Variants in CCDC40 observed in about 807,000 individuals in gnomAD.
CCDC40 encodes coiled-coil domain-containing protein 40.
In CCDC40, 104 loss-of-function variants were observed where a neutral mutation model predicts 124.5. The ratio of observed to expected loss-of-function variants is 0.84; its 90% confidence interval spans 0.71 to 0.98. The LOEUF (loss-of-function observed/expected upper bound fraction) is 0.98. Among genes scored for constraint, CCDC40 ranks in the 50% least tolerant of loss-of-function variants. The pLI, the probability that CCDC40 is intolerant of heterozygous loss-of-function variation, is 0.00. For synonymous variants in CCDC40, 580 were observed against 602.9 expected (o/e 0.96, Z 0.56); for missense variants, 1,463 against 1,503.9 (o/e 0.97, Z 0.45).
intron 10 of CCDC40, among the ~76,000 whole-genome samples, chr17:80,079,159 C>T (rs1017666024): frequency 6.6e-6 from 1 of 151,970 alleles, no homozygotes; most frequent in Non-Finnish European, 1.5e-5. Context: ...CTTCCTTTCT[C>T]TATTGATAGT....
intron 10 of CCDC40, among the ~76,000 whole-genome samples, chr17:80,071,529 T>G (rs2038187616): frequency 6.6e-6 from 1 of 152,176 alleles, no homozygotes; most frequent in Non-Finnish European, 1.5e-5. Context: ...ATTCCATCCG[T>G]TCTTTTTGTT....
intron 3 of CCDC40, among the ~76,000 whole-genome samples, chr17:80,044,356 A>G (rs1212165124): frequency 6.6e-6 from 1 of 152,192 alleles, no homozygotes; most frequent in African/African-American, 2.4e-5. Flanking sequence ...TGACAAATAT[A>G]AAACCAAAAC....
chr17:80,063,445 C>A (rs932417489), intron 9 of CCDC40, among the ~76,000 whole-genome samples: 1 of 152,190 alleles, frequency 6.6e-6, no homozygotes, highest in East Asian at 1.9e-4. Context: ...CCTTGACCTG[C>A]ACCTCAGTCA....
At chr17:80,057,778 A>G (rs1301819278) in intron 7 of CCDC40, among the ~76,000 whole-genome samples, 1 of 151,894 alleles carries the variant, frequency 6.6e-6, no homozygotes. Flanking sequence ...CGGGAGGCTG[A>G]GGCAGGAGAA....
rs1392410253 is a variant in CCDC40 at position 80,100,189 on chromosome 17, C to T, written c.*414C>T. 3 of 278,716 alleles carry T rather than the reference C, an allele frequency of 1.1e-5. No homozygotes were observed. The highest frequency in any genetic ancestry group is 3.4e-5 in the South Asian group (1 of 29,564). The allele number at this position is 278,716 out of a possible 1,614,324, so 17.3% of individuals were successfully genotyped here. On this transcript the variant is annotated 3_prime_UTR_variant, in exon 20 of 20. Transcript: ENST00000397545. ...TAAGGCAGCTCCAGCCAGCCTGGCC[C>T]GGGAGGCTGGTCCCCCCAGCACTTC...
chr17:80,094,756 C>T (rs1183868946), intron 17 of CCDC40, among the ~76,000 whole-genome samples: 2 of 152,162 alleles, frequency 1.3e-5, no homozygotes, highest in Non-Finnish European at 2.9e-5. Context: ...TACGTAGCCA[C>T]TGACGCCATC....
At chr17:80,069,786 G>T (rs1305560225) in intron 10 of CCDC40, among the ~76,000 whole-genome samples, 1 of 151,684 alleles carries the variant, frequency 6.6e-6, no homozygotes, top group Non-Finnish European at 1.5e-5. Flanking sequence ...AAAAGAGAGA[G>T]AGAGAGACAG....
chr17:80,036,677 C>T lies in CCDC40; in HGVS notation c.15C>T (p.Gly5=). The T allele has an allele frequency of 2.1e-6, 3 of 1,460,292 alleles. No individual in the cohort carries two copies. Among genetic ancestry groups the T allele is most frequent in the Non-Finnish European group, 1.8e-6 (2 of 1,108,074 alleles). 90.5% of individuals were successfully genotyped at this position (1,460,292 alleles called of 1,614,324 possible). ...AGCAACGGGAAATGGCGGAACCGGG[C>T]GGCGCGGCGGGCCGGTAAGCCGGGC... MAEP[G]GAAGRSHPED... is the part of the protein sequence containing the mutation. The change falls in exon 1 of 20, where the codon GGC becomes GGT. Residue 5 remains glycine, a synonymous_variant. Coordinates refer to ENST00000397545, the MANE Select transcript of CCDC40 (RefSeq NM_017950.4).
In CCDC40 at chr17:80,084,878, A is replaced by G; in HGVS notation, c.2125A>G (p.Ile709Val). Residue 709 changes from isoleucine (I) to valine (V), a missense_variant, in exon 13 of 20, where the codon ATC becomes GTC. Ile to Val is a conservative substitution (Grantham distance 29, BLOSUM62 3). Transcript: ENST00000397545. ...GGACGTGAAGAAAGTCAACGAGCTCATCACCAACAGCCAGAGCGAGATCTC... is the reference window on the plus strand; with the variant it reads ...GGACGTGAAGAAAGTCAACGAGCTCGTCACCAACAGCCAGAGCGAGATCTC... ...DQDVKKVNEL[I>V]TNSQSEISRR... 1 of 1,613,982 alleles carries G rather than the reference A, an allele frequency of 6.2e-7. No homozygotes were observed. Among genetic ancestry groups the G allele is most frequent in the South Asian group, 1.1e-5 (1 of 91,086 alleles).
chr17:80,062,978 G>C (rs2037943494), intron 9 of CCDC40, among the ~76,000 whole-genome samples: 1 of 152,126 alleles, frequency 6.6e-6, no homozygotes, highest in Non-Finnish European at 1.5e-5. Flanking sequence ...CAGATCACCT[G>C]AGGGTCAGGA....
chr17:80,078,188 G>A (rs529888568), intron 10 of CCDC40, among the ~76,000 whole-genome samples: 12 of 152,028 alleles, frequency 7.9e-5, no homozygotes, highest in East Asian at 7.7e-4. Flanking sequence ...AAAATTAGCC[G>A]GGCGTGGTGG....
At chr17:80,089,559 C>A (rs762358192) in intron 16 of CCDC40, 3 of 467,354 alleles carry the variant, frequency 6.4e-6, no homozygotes, top group South Asian at 2.0e-5. Flanking sequence ...CTCCCTCCCT[C>A]CCCCTGTATG....
intron 19 of CCDC40, chr17:80,097,920 GAAAAGAAAAGAAAA>G (rs2038840464): frequency 2.2e-5 from 1 of 44,558 alleles, no homozygotes; most frequent in East Asian, 4.8e-4. Context: ...GAAAAGAAAA[GAAAAGAAAAGAAAA>G]GAAAAGAAAA....
At chr17:80,053,456 T>C (rs1167882801) in intron 7 of CCDC40, among the ~76,000 whole-genome samples, 1 of 152,240 alleles carries the variant, frequency 6.6e-6, no homozygotes, top group Non-Finnish European at 1.5e-5. Flanking sequence ...GCATTGTTTG[T>C]TTCTGGCTTT....
At position 80,084,981 on chromosome 17, in the gene CCDC40, A is replaced by G; in HGVS notation, c.2228A>G (p.Glu743Gly). The change falls in exon 13 of 20, where the codon GAG becomes GGG. Residue 743 changes from glutamate (E) to glycine (G), a missense_variant. Coordinates refer to ENST00000397545, the MANE Select transcript of CCDC40 (RefSeq NM_017950.4). ...AAGCAGCTGGAGCGGATGGTCTCCG[A>G]GCTGGGGGTGAGGTCCCAGGCAGGG... ...LNKQLERMVS[E>G]LGGEEVGPLE... is the part of the protein sequence containing the mutation. The G allele has an allele frequency of 1.2e-6, 2 of 1,613,634 alleles. No homozygotes were observed. Among genetic ancestry groups the G allele is most frequent in the Non-Finnish European group, 1.7e-6 (2 of 1,180,008 alleles).
chr17:80,056,012 A>ATTTTTTTTTTTTTT (rs1278622929), intron 7 of CCDC40, among the ~76,000 whole-genome samples: 7 of 14,136 alleles, frequency 5.0e-4, no homozygotes, highest in Non-Finnish European at 8.2e-4. Context: ...ATATATATAT[A>ATTTTTTTTTTTTTT]TATATTTTTT....
chr17:80,099,505 T>C (rs1290491161), intron 19 of CCDC40, 22 bp from the exon 20 acceptor site: 2 of 1,602,676 alleles, frequency 1.2e-6, no homozygotes, highest in Non-Finnish European at 1.7e-6. Context: ...TAGCCCTATA[T>C]GGAGTCTCTT....
intron 17 of CCDC40, chr17:80,092,178 T>TACAC (rs1172953640): frequency 1.3e-5 from 2 of 152,320 alleles, no homozygotes; most frequent in Non-Finnish European, 2.9e-5. Context: ...GGATTACAGG[T>TACAC]GTGTGCCACC....
chr17:80,077,472 G>A (rs542723527), intron 10 of CCDC40, among the ~76,000 whole-genome samples: 3 of 152,160 alleles, frequency 2.0e-5, no homozygotes, highest in Non-Finnish European at 4.4e-5. Flanking sequence ...GCAGTGAGCC[G>A]AGATTGCGCC....
Sources: gnomAD v4.1 joint callset for allele counts (sites outside exome capture counted in the v4.1 genomes callset) on GRCh38, gnomAD v4.1.1 for gene constraint, MANE v1.5 for transcripts, NCBI Gene and HGNC (gene_info 2026-07-23, HGNC 2026-07-21) for gene names.